THSD7A: variants seen among roughly 807,000 people sequenced by gnomAD.
THSD7A encodes thrombospondin type-1 domain-containing protein 7A.
In THSD7A, 96 loss-of-function variants were observed where a neutral mutation model predicts 231.3. The ratio of observed to expected loss-of-function variants is 0.41; its 90% CI spans 0.35 to 0.49. The LOEUF is 0.49. Among genes scored for constraint, THSD7A ranks in the 20% least tolerant of loss-of-function variants. The pLI is 0.05. For synonymous variants in THSD7A, 940 were observed against 743.3 expected (o/e 1.26, Z -4.30); for missense variants, 2,290 against 2,070.2 (o/e 1.11, Z -2.06).
At position 11,683,609 on chromosome 7, in the gene THSD7A, G is replaced by C. The variant is rs141433347; in HGVS notation, c.191-46648C>G. Among the ~76,000 whole-genome samples, 33 of 152,004 alleles carry C rather than the reference G, an allele frequency of 2.2e-4. No individual in the cohort carries two copies. The East Asian group carries it at 6.2e-3, about 29-fold the overall frequency. ...ACTATGAACATGTCTATGCATACAAGCTAGAAAATCTAGAAGAAATGAATA... is the reference window on the plus strand; with the variant it reads ...ACTATGAACATGTCTATGCATACAACCTAGAAAATCTAGAAGAAATGAATA... On this transcript the variant is annotated intron_variant, in intron 1 of 27. Coordinates refer to ENST00000423059, the MANE Select transcript of THSD7A (RefSeq NM_015204.3).
intron 1 of THSD7A, among the ~76,000 whole-genome samples, chr7:11,653,861 CATA>C (rs1250895429): frequency 2.0e-5 from 3 of 151,960 alleles, no homozygotes; most frequent in Admixed American, 6.6e-5. Context: ...GTTTGCTTCT[CATA>C]ATGTTACTAT....
intron 13 of THSD7A, among the ~76,000 whole-genome samples, chr7:11,431,895 T>C (rs1784488337): frequency 6.6e-6 from 1 of 152,126 alleles, no homozygotes; most frequent in South Asian, 2.1e-4. Flanking sequence ...TATTTTGTTA[T>C]ATTTATTCCT....
chr7:11,382,283 T>C (rs1241699997), intron 24 of THSD7A, among the ~76,000 whole-genome samples: 1 of 152,148 alleles, frequency 6.6e-6, no homozygotes, highest in East Asian at 1.9e-4. Flanking sequence ...GATAGTATTT[T>C]AATTAAGTTT....
chr7:11,572,798 T>C (rs1790701997), intron 4 of THSD7A, among the ~76,000 whole-genome samples: 2 of 152,060 alleles, frequency 1.3e-5, no homozygotes, highest in African/African-American at 2.4e-5. Flanking sequence ...CGTCTGCTGA[T>C]TCTTATATCT....
At chr7:11,665,016 T>C (rs1386056940) in intron 1 of THSD7A, among the ~76,000 whole-genome samples, 1 of 152,052 alleles carries the variant, frequency 6.6e-6, no homozygotes, top group Non-Finnish European at 1.5e-5. Flanking sequence ...ACAGGAGATA[T>C]CGATACCAAT....
At chr7:11,684,142 A>G (rs1779938261) in intron 1 of THSD7A, among the ~76,000 whole-genome samples, 2 of 151,914 alleles carry the variant, frequency 1.3e-5, no homozygotes, top group South Asian at 4.1e-4. Context: ...CTCCATGATA[A>G]TCTCAAAAGA....
chr7:11,784,316 G>A (rs1208423716), intron 1 of THSD7A, among the ~76,000 whole-genome samples: 5 of 151,004 alleles, frequency 3.3e-5, no homozygotes, highest in African/African-American at 1.2e-4. Context: ...TGGGATGCAT[G>A]TCTTTCATCA....
rs764943367 is a variant in THSD7A, at chr7:11,392,915, T to A, written c.4411+8880A>T. Reference sequence around the variant, plus strand: ...CTTATAGATCAAACTCCCATCTCCCTGGGATAGGATAGAGCACCTGGGGGA... The same window carrying A: ...CTTATAGATCAAACTCCCATCTCCCAGGGATAGGATAGAGCACCTGGGGGA... On this transcript the variant is annotated intron_variant, in intron 23 of 27. Coordinates refer to ENST00000423059, the MANE Select transcript of THSD7A (RefSeq NM_015204.3). Among the ~76,000 whole-genome samples, 3 of 152,174 alleles carry A rather than the reference T, an allele frequency of 2.0e-5. No individual in the cohort carries two copies. In the East Asian group the frequency reaches 5.8e-4, roughly 29 times the overall value.
chr7:11,691,277 G>A (rs531283244), intron 1 of THSD7A, among the ~76,000 whole-genome samples: 41 of 151,564 alleles, frequency 2.7e-4, no homozygotes, highest in African/African-American at 9.7e-4. Context: ...TTATTCAAAT[G>A]TTCATAAGAA....
chr7:11,601,464 T>G (rs529608625), intron 2 of THSD7A, among the ~76,000 whole-genome samples: 4 of 152,304 alleles, frequency 2.6e-5, no homozygotes, highest in Admixed American at 2.0e-4. Flanking sequence ...GTGGCAACTC[T>G]TAGAACAGAG....
chr7:11,455,983 A>G (rs943104656), intron 11 of THSD7A, among the ~76,000 whole-genome samples: 2 of 152,034 alleles, frequency 1.3e-5, no homozygotes, highest in African/African-American at 4.8e-5. Flanking sequence ...TTTATTGTTA[A>G]CAGGTGGTTA....
At chr7:11,769,147 A>ATTTTTTTTTTTTTTTTT (rs1562541356) in intron 1 of THSD7A, among the ~76,000 whole-genome samples, 1 of 35,652 alleles carries the variant, frequency 2.8e-5, no homozygotes, top group Non-Finnish European at 6.1e-5. Context: ...ATATATATAT[A>ATTTTTTTTTTTTTTTTT]TATATATTTT....
intron 1 of THSD7A, among the ~76,000 whole-genome samples, chr7:11,638,079 A>G (rs1312422968): frequency 2.6e-5 from 4 of 152,162 alleles, no homozygotes; most frequent in Non-Finnish European, 5.9e-5. Context: ...TCACACCCTT[A>G]CACTACTGTC....
At chr7:11,766,243 C>A (rs1783025411) in intron 1 of THSD7A, among the ~76,000 whole-genome samples, 1 of 152,080 alleles carries the variant, frequency 6.6e-6, no homozygotes, top group African/African-American at 2.4e-5. Flanking sequence ...ATAAATTGAC[C>A]AGTCACTTAA....
chr7:11,719,597 A>G (rs1164562124), intron 1 of THSD7A, among the ~76,000 whole-genome samples: 2 of 151,650 alleles, frequency 1.3e-5, no homozygotes, highest in South Asian at 2.1e-4. Flanking sequence ...TTGCTTCTGC[A>G]TCATGCCCAG....
intron 1 of THSD7A, among the ~76,000 whole-genome samples, chr7:11,697,756 C>T (rs747618197): frequency 1.8e-4 from 27 of 151,376 alleles, no homozygotes; most frequent in Non-Finnish European, 3.4e-4. Context: ...TAAAGATCTA[C>T]GTGCAGAAAA....
chr7:11,383,116 C>T (rs1021538167), intron 23 of THSD7A, among the ~76,000 whole-genome samples: 2 of 151,766 alleles, frequency 1.3e-5, no homozygotes, highest in South Asian at 2.1e-4. Context: ...CTTTGCCATG[C>T]TTTTAATTTT....
At chr7:11,601,618 A>C (rs556444525) in intron 2 of THSD7A, among the ~76,000 whole-genome samples, 1 of 152,300 alleles carries the variant, frequency 6.6e-6, no homozygotes, top group African/African-American at 2.4e-5. Context: ...ACTGTGCTGC[A>C]TGGACATCTA....
chr7:11,812,869 G>C (rs1784573381), intron 1 of THSD7A, among the ~76,000 whole-genome samples: 1 of 152,028 alleles, frequency 6.6e-6, no homozygotes, highest in African/African-American at 2.4e-5. Flanking sequence ...GTGTGGTTTG[G>C]GTTAAATCAC....
Sources: gnomAD v4.1 joint callset for allele counts (sites outside exome capture counted in the v4.1 genomes callset) on GRCh38, gnomAD v4.1.1 for gene constraint, MANE v1.5 for transcripts, NCBI Gene and HGNC (gene_info 2026-07-23, HGNC 2026-07-21) for gene names.